NLRP4: variants seen among roughly 807,000 people sequenced by gnomAD.
The protein encoded by NLRP4 is NLR family pyrin domain containing 4, also known as NACHT, LRR and PYD domains-containing protein 4.
In NLRP4, 44 loss-of-function variants were observed where a neutral mutation model predicts 84.7. The ratio of observed to expected loss-of-function variants is 0.52; its 90% CI spans 0.41 to 0.67. The LOEUF (loss-of-function observed/expected upper bound fraction) is 0.67, where lower values mean the gene tolerates loss of function less well. NLRP4 is among the 30% of genes least tolerant of loss of function. NLRP4 has a pLI of 0.00. For synonymous variants in NLRP4, 544 were observed against 476.4 expected (o/e 1.14, Z -1.85); for missense variants, 1,260 against 1,219.4 (o/e 1.03, Z -0.50).
At position 55,867,801 on chromosome 19, in the gene NLRP4, G is replaced by C; in HGVS notation, c.2279G>C (p.Cys760Ser). ...NKKLTYLNVS[C>S]NQLDTGVPLL... ...AAGCTGACGTATCTGAATGTATCCT[G>C]CAACCAGTTAGACACAGGCGTGCCC... is the stretch of plus-strand genomic sequence containing the variant. Residue 760 changes from cysteine (C) to serine (S), a missense_variant, in exon 6 of 10, where the codon TGC (cysteine) becomes TCC (serine). By Grantham distance (112) the Cys-to-Ser change is moderately radical. This residue lies in a region of NLRP4 where 544 missense variants were observed against 531.7 expected (regional missense o/e 1.02). Transcript: ENST00000301295. 3.7e-6 allele frequency: 6 copies of C among 1,614,152 alleles called. No individual in the cohort carries two copies. Among genetic ancestry groups the C allele is most frequent in the Non-Finnish European group, 5.1e-6 (6 of 1,180,000 alleles).
chr19:55,866,022 G>C (rs567186048), intron 5 of NLRP4, among the ~76,000 whole-genome samples: 1 of 151,328 alleles, frequency 6.6e-6, no homozygotes, highest in South Asian at 2.1e-4. Flanking sequence ...TAACTTCTTT[G>C]TTTTCTTTTC....
In NLRP4 at chr19:55,858,835, A is replaced by C. The variant is rs201257100; in HGVS notation, c.1442A>C (p.Gln481Pro). The change falls in exon 3 of 10, where the codon CAG becomes CCG. Residue 481 changes from glutamine (Q) to proline (P), a missense_variant. Coordinates refer to ENST00000301295, the MANE Select transcript of NLRP4 (RefSeq NM_134444.5). The surrounding 1 kb of genome is among the most constrained non-coding windows in gnomAD (Gnocchi z 4.2). ...DHPHPAVRCV[Q>P]ELLVANFEKA... Reference sequence around the variant, plus strand: ...CCTCACCCAGCTGTGAGATGTGTACAGGAATTGCTAGTTGCCAATTTTGAA... The same window carrying C: ...CCTCACCCAGCTGTGAGATGTGTACCGGAATTGCTAGTTGCCAATTTTGAA... 3 of 1,614,174 alleles carry C rather than the reference A, an allele frequency of 1.9e-6. No individual in the cohort carries two copies. The highest frequency in any genetic ancestry group is 2.5e-6 in the Non-Finnish European group (3 of 1,179,996).
chr19:55,871,149 CGT>C (rs1323031570), intron 7 of NLRP4, 152 bp downstream of exon 7: 6 of 647,728 alleles, frequency 9.3e-6, no homozygotes, highest in Non-Finnish European at 1.6e-5. Context: ...CTTGTCGAGA[CGT>C]TCATGTAAAC....
chr19:55,856,742 T>C (rs575900013), intron 2 of NLRP4, among the ~76,000 whole-genome samples: 7 of 152,114 alleles, frequency 4.6e-5, no homozygotes, highest in East Asian at 3.9e-4. Flanking sequence ...TCTTGATCTC[T>C]TGACTTCATG....
rs139414761 is a variant in NLRP4 at position 55,853,640 on chromosome 19, G to T, written c.280+1280G>T. Among the ~76,000 whole-genome samples the T allele has an allele frequency of 5.6e-3, 849 of 152,056 alleles. 12 individuals carry two copies. The highest frequency in any genetic ancestry group is 0.02 in the African/African-American group (824 of 41,476). On this transcript the variant is annotated intron_variant, in intron 2 of 9. Coordinates refer to ENST00000301295, the MANE Select transcript of NLRP4 (RefSeq NM_134444.5). ...GCCCAGGCTGGTCTCAAACTCCTGG[G>T]CTCAAGTGATCCTCCTGCCTTGGCC...
rs1984627176 is a variant in NLRP4 at position 55,859,391 on chromosome 19, C to T, written c.1856+142C>T. 9 of 661,412 alleles carry T rather than the reference C, an allele frequency of 1.4e-5. No homozygotes were observed. In the South Asian group the frequency reaches 1.4e-4, roughly 10 times the overall value. 41.0% of individuals were successfully genotyped at this position (661,412 alleles called of 1,614,324 possible). A position where few individuals can be genotyped will look rare whatever the true frequency, so the allele number is the denominator to read the frequency against. ...CAAAACCTCAGCTCACATCCTGGCCCAACATTTTAGGAGCTCTTAGACTTT... is the reference window on the plus strand; with the variant it reads ...CAAAACCTCAGCTCACATCCTGGCCTAACATTTTAGGAGCTCTTAGACTTT... On this transcript the variant is annotated intron_variant, in intron 3 of 9. Transcript: ENST00000301295.
chr19:55,845,151 C>T (rs979402494), intron 1 of NLRP4, among the ~76,000 whole-genome samples: 37 of 149,370 alleles, frequency 2.5e-4, no homozygotes, highest in South Asian at 6.5e-4. Context: ...GCATTAGGTA[C>T]ATCTCCTAAT....
intron 1 of NLRP4, among the ~76,000 whole-genome samples, chr19:55,846,994 G>C (rs1041872432): frequency 4.0e-5 from 6 of 151,892 alleles, no homozygotes; most frequent in South Asian, 2.1e-4. Context: ...GCACAATCTT[G>C]GCTCACTGTA....
chr19:55,870,685 T>TAATC, intron 6 of NLRP4, 142 bp from the exon 7 acceptor site: 1 of 596,578 alleles, frequency 1.7e-6, no homozygotes, highest in Non-Finnish European at 3.0e-6. Flanking sequence ...TGAGAGGAGG[T>TAATC]GTTTTCAGAT....
At chr19:55,865,536 G>C (rs1984921928) in intron 5 of NLRP4, among the ~76,000 whole-genome samples, 1 of 152,176 alleles carries the variant, frequency 6.6e-6, no homozygotes, top group Admixed American at 6.5e-5. Context: ...TTCAGAAATT[G>C]CCAAACTGCT....
At chr19:55,876,919 G>C in intron 7 of NLRP4, 77 bp from the exon 8 acceptor site, 1 of 1,210,992 alleles carries the variant, frequency 8.3e-7, no homozygotes, top group South Asian at 1.5e-5. Flanking sequence ...AAAGGCTGTC[G>C]TGCTTTGGTG....
intron 5 of NLRP4, among the ~76,000 whole-genome samples, chr19:55,864,122 G>A (rs1984866310): frequency 6.6e-6 from 1 of 152,134 alleles, no homozygotes; most frequent in Non-Finnish European, 1.5e-5. Flanking sequence ...GTACAGTTTA[G>A]TGATCCTCAT....
At chr19:55,876,681 A>G (rs1985384747) in intron 7 of NLRP4, among the ~76,000 whole-genome samples, 5 of 152,128 alleles carry the variant, frequency 3.3e-5, no homozygotes, top group Admixed American at 3.3e-4. Context: ...GTTTGCATAT[A>G]ATGTACAGGC....
chr19:55,841,335 C>A (rs1600217350), intron 1 of NLRP4, among the ~76,000 whole-genome samples: 1 of 152,118 alleles, frequency 6.6e-6, no homozygotes, highest in Non-Finnish European at 1.5e-5. Flanking sequence ...CTCTCTACTT[C>A]TATAAGTTCA....
At chr19:55,840,792 T>C (rs923701970) in intron 1 of NLRP4, among the ~76,000 whole-genome samples, 4 of 152,216 alleles carry the variant, frequency 2.6e-5, no homozygotes, top group African/African-American at 7.2e-5. Flanking sequence ...TTATGCAGCA[T>C]CTAGATTTCT....
chr19:55,849,135 T>C (rs1017771839), intron 1 of NLRP4, among the ~76,000 whole-genome samples: 1 of 152,182 alleles, frequency 6.6e-6, no homozygotes, highest in Non-Finnish European at 1.5e-5. Flanking sequence ...ATGCCGCATC[T>C]CCTTAAAGGG....
At chr19:55,872,794 A>G (rs1292839763) in intron 7 of NLRP4, among the ~76,000 whole-genome samples, 1 of 152,230 alleles carries the variant, frequency 6.6e-6, no homozygotes, top group African/African-American at 2.4e-5. Flanking sequence ...AACCAATGAA[A>G]GATTCCAATT....
chr19:55,870,900 C>T lies in NLRP4; in HGVS notation c.2428C>T (p.Arg810Cys), dbSNP rs143466082. Residue 810 changes from arginine to cysteine, a missense_variant, in exon 7 of 10, where the codon CGC becomes TGC. Physicochemically the swap from Arg to Cys is radical, Grantham distance 180. Around this residue, in one of 3 missense-constraint regions of NLRP4, gnomAD observed 544 missense variants for 531.7 expected, o/e 1.02. Coordinates refer to ENST00000301295, the MANE Select transcript of NLRP4 (RefSeq NM_134444.5). ...AATGCTTCTGCGTAACAAGAGCGTG[C>T]GCTATCTAGACCTCAGTGCCAATGT... The part of the protein sequence containing the change: ...SEMLLRNKSV[R>C]YLDLSANVLK... The T allele has an allele frequency of 8.7e-5, 140 of 1,613,716 alleles. No homozygotes were observed. The highest frequency in any genetic ancestry group is 8.0e-4 in the East Asian group (36 of 44,894).
intron 6 of NLRP4, among the ~76,000 whole-genome samples, chr19:55,868,579 C>T (rs185680110): frequency 6.9e-4 from 101 of 145,832 alleles, no homozygotes; most frequent in African/African-American, 2.3e-3. Context: ...CTTGGCTTAT[C>T]GCAACCTCTG....
Sources: allele counts gnomAD v4.1 joint callset (sites outside exome capture counted in the v4.1 genomes callset), GRCh38; gene constraint gnomAD v4.1.1; regional missense constraint gnomAD v4.1.1; non-coding constraint Gnocchi (gnomAD v3.1); transcripts MANE v1.5; gene names NCBI Gene and HGNC (gene_info 2026-07-23, HGNC 2026-07-21).